The following AKT3 variants were observed in gnomAD, a reference collection of about 807,000 sequenced individuals.
AKT3 encodes the protein AKT serine/threonine kinase 3.
AKT3 carries 15 observed loss-of-function variants against 65.3 expected under a neutral mutation model. The observed-to-expected ratio is 0.23, with a 90% CI of 0.15 to 0.35. AKT3 has a LOEUF of 0.35. Among genes scored for constraint, AKT3 ranks in the 10% least tolerant of loss-of-function variants. AKT3 has a pLI of 1.00. For synonymous variants in AKT3, 206 were observed against 183.8 expected (o/e 1.12, Z -0.98); for missense variants, 243 against 576.5 (o/e 0.42, Z 5.92).
intron 2 of AKT3, among the ~76,000 whole-genome samples, chr1:243,766,630 A>C (rs1380460933): frequency 2.0e-5 from 3 of 152,214 alleles, no homozygotes; most frequent in African/African-American, 7.2e-5. Flanking sequence ...TTGAATTCAA[A>C]TGAGGAAAAG....
At chr1:243,489,445 G>C (rs1665841944) in intron 13 of AKT3, among the ~76,000 whole-genome samples, 1 of 152,250 alleles carries the variant, frequency 6.6e-6, no homozygotes, top group South Asian at 2.1e-4. Flanking sequence ...GGAGAAGCGG[G>C]AGGACGGCCG....
chr1:243,595,227 T>G (rs933760075), intron 8 of AKT3, among the ~76,000 whole-genome samples: 1 of 152,172 alleles, frequency 6.6e-6, no homozygotes, highest in African/African-American at 2.4e-5. Flanking sequence ...ACAATGATAT[T>G]TGCACATCTA....
intron 6 of AKT3, among the ~76,000 whole-genome samples, chr1:243,625,348 G>C (rs1408824102): frequency 6.6e-6 from 1 of 151,300 alleles, no homozygotes; most frequent in Non-Finnish European, 1.5e-5. Context: ...GGTCAGGCTG[G>C]TCTCAAACTC....
chr1:243,670,332 C>T (rs1240112423), intron 3 of AKT3, among the ~76,000 whole-genome samples: 2 of 152,104 alleles, frequency 1.3e-5, no homozygotes, highest in African/African-American at 2.4e-5. Flanking sequence ...ATTTAAAAAG[C>T]TGAATCCAAA....
chr1:243,623,898 T>C lies in AKT3; in HGVS notation c.562-8737A>G, dbSNP rs533802560. ...GGAGATCCTTGATTTCACCACATCA[T>C]CCATGTGACTCCACTGGAAGAAGAT... On this transcript the variant is annotated intron_variant, in intron 6 of 13. Coordinates refer to ENST00000673466, the MANE Select transcript of AKT3 (RefSeq NM_005465.7). Among the ~76,000 whole-genome samples the C allele has an allele frequency of 7.9e-5, 12 of 152,342 alleles. No homozygotes were observed. The South Asian group carries it at 1.9e-3, about 24-fold the overall frequency.
At chr1:243,838,836 T>G (rs1471774937) in intron 2 of AKT3, among the ~76,000 whole-genome samples, 1 of 152,154 alleles carries the variant, frequency 6.6e-6, no homozygotes, top group African/African-American at 2.4e-5. Context: ...AGGGAAAAAG[T>G]TATTTGAAAG....
chr1:243,601,267 T>G (rs1356824315), intron 8 of AKT3, among the ~76,000 whole-genome samples: 1 of 151,942 alleles, frequency 6.6e-6, no homozygotes, highest in Non-Finnish European at 1.5e-5. Context: ...ACAACCTAAT[T>G]TTTAAAACAG....
At chr1:243,615,999 C>T (rs1405281295) in intron 6 of AKT3, among the ~76,000 whole-genome samples, 2 of 152,066 alleles carry the variant, frequency 1.3e-5, no homozygotes, top group African/African-American at 4.8e-5. Flanking sequence ...CTTCAGACTC[C>T]CAAGTAGCAG....
At chr1:243,568,685 T>C (rs1232439144) in intron 9 of AKT3, among the ~76,000 whole-genome samples, 1 of 152,232 alleles carries the variant, frequency 6.6e-6, no homozygotes. Context: ...TTAAAAATCC[T>C]AGCTGTCTTT....
intron 2 of AKT3, among the ~76,000 whole-genome samples, chr1:243,812,357 G>T (rs1208024980): frequency 2.6e-5 from 4 of 152,166 alleles, no homozygotes; most frequent in Non-Finnish European, 5.9e-5. Flanking sequence ...CAACAAGTGG[G>T]TGAAGGATAT....
intron 2 of AKT3, among the ~76,000 whole-genome samples, chr1:243,799,120 C>T (rs767267794): frequency 6.6e-6 from 1 of 152,086 alleles, no homozygotes; most frequent in Non-Finnish European, 1.5e-5. Context: ...CATCCTTGAG[C>T]TCTTTATATC....
chr1:243,516,828 C>G (rs1670389563), intron 12 of AKT3, among the ~76,000 whole-genome samples: 1 of 152,192 alleles, frequency 6.6e-6, no homozygotes, highest in Non-Finnish European at 1.5e-5. Flanking sequence ...TAGTCTCGAA[C>G]TCCTCTACCT....
chr1:243,805,562 T>C (rs950065166), intron 2 of AKT3, among the ~76,000 whole-genome samples: 11 of 152,314 alleles, frequency 7.2e-5, no homozygotes, highest in African/African-American at 2.2e-4. Flanking sequence ...TCTAGCTTCC[T>C]CCCTCCCCTC....
intron 8 of AKT3, among the ~76,000 whole-genome samples, chr1:243,583,540 C>CAA (rs1294857854): frequency 8.3e-3 from 248 of 29,988 alleles, no homozygotes; most frequent in African/African-American, 0.021. Flanking sequence ...AAGTAAGTCT[C>CAA]AAAAAAAAAA....
intron 2 of AKT3, among the ~76,000 whole-genome samples, chr1:243,697,695 C>A (rs1185631557): frequency 6.6e-6 from 1 of 152,016 alleles, no homozygotes; most frequent in Non-Finnish European, 1.5e-5. Flanking sequence ...CATTTGTTAT[C>A]AATACCAGTC....
chr1:243,723,142 C>T (rs369296116), intron 2 of AKT3, among the ~76,000 whole-genome samples: 37 of 152,056 alleles, frequency 2.4e-4, no homozygotes, highest in Admixed American at 2.2e-3. Context: ...CACAATATAA[C>T]GAAAATAATG....
intron 8 of AKT3, among the ~76,000 whole-genome samples, chr1:243,582,880 T>A (rs778374107): frequency 2.0e-5 from 3 of 151,630 alleles, no homozygotes; most frequent in Non-Finnish European, 2.9e-5. Context: ...TTATATATAA[T>A]GACACCTATA....
intron 2 of AKT3, among the ~76,000 whole-genome samples, chr1:243,827,541 A>C (rs1186371715): frequency 6.6e-6 from 1 of 152,158 alleles, no homozygotes; most frequent in Non-Finnish European, 1.5e-5. Context: ...CAGGAATTTT[A>C]GATGGAAATG....
At chr1:243,719,725 C>A (rs1686754831) in intron 2 of AKT3, among the ~76,000 whole-genome samples, 1 of 152,084 alleles carries the variant, frequency 6.6e-6, no homozygotes, top group Non-Finnish European at 1.5e-5. Context: ...TGACTGCCAT[C>A]AGAAGGGAAG....
Sources: allele counts gnomAD v4.1 joint callset (sites outside exome capture counted in the v4.1 genomes callset), GRCh38; gene constraint gnomAD v4.1.1; transcripts MANE v1.5; gene names NCBI Gene and HGNC (gene_info 2026-07-23, HGNC 2026-07-21).